Variants in ZDHHC5 observed in about 807,000 individuals in gnomAD.
ZDHHC5 encodes the protein palmitoyltransferase ZDHHC5.
A neutral mutation model predicts 70.0 loss-of-function variants in ZDHHC5; 22 were observed. That is an observed-to-expected ratio of 0.31 (90% CI 0.22 to 0.45). The LOEUF (loss-of-function observed/expected upper bound fraction) is 0.45, where lower values mean the gene tolerates loss of function less well. Among genes scored for constraint, ZDHHC5 ranks in the 20% least tolerant of loss-of-function variants. The probability of loss-of-function intolerance (pLI) is 1.00; values close to 1 mark genes in which losing one functional copy is unlikely to be tolerated. For synonymous variants in ZDHHC5, 313 were observed against 347.8 expected (o/e 0.90, Z 1.11); for missense variants, 746 against 926.9 (o/e 0.80, Z 2.53).
At chr11:57,680,161 A>G (rs1046768207) in intron 2 of ZDHHC5, among the ~76,000 whole-genome samples, 1 of 152,108 alleles carries the variant, frequency 6.6e-6, no homozygotes, top group African/African-American at 2.4e-5. Context: ...GAGGCGGGCA[A>G]ATCGCTTTGA....
At position 57,699,893 on chromosome 11, in the gene ZDHHC5, C is replaced by A; in HGVS notation, c.2010C>A (p.Tyr670Ter). Reference sequence around the variant, plus strand: ...ATGAAGTACAGCTGAAGACCACCTACAGCAAATCCAACGGGCAGCCCAAGA... The same window carrying A: ...ATGAAGTACAGCTGAAGACCACCTAAAGCAAATCCAACGGGCAGCCCAAGA... The part of the protein sequence containing the change: ...PKDEVQLKTT[Y>*]SKSNGQPKSL... Residue 670 changes from tyrosine (Y) to a stop codon, truncating the protein, a stop_gained, in exon 12 of 12, where the codon TAC becomes TAA. Coordinates refer to ENST00000287169, the MANE Select transcript of ZDHHC5 (RefSeq NM_015457.3). LOFTEE classifies it high-confidence loss of function. 6.2e-7 allele frequency: 1 copy of A among 1,614,280 alleles called. No homozygotes were observed. Among genetic ancestry groups the A allele is most frequent in the Non-Finnish European group, 8.5e-7 (1 of 1,180,052 alleles).
chr11:57,678,696 T>C (rs1284399818), intron 2 of ZDHHC5, among the ~76,000 whole-genome samples: 2 of 151,054 alleles, frequency 1.3e-5, no homozygotes, highest in Non-Finnish European at 2.9e-5. Flanking sequence ...CTGGCCAACA[T>C]AGTGAGACCT....
chr11:57,686,865 C>G (rs75499988), intron 3 of ZDHHC5, among the ~76,000 whole-genome samples: 1 of 146,764 alleles, frequency 6.8e-6, no homozygotes, highest in East Asian at 2.0e-4. Context: ...GTGTCTTACT[C>G]TGTCACCAAG....
Position 57,698,645 on chromosome 11 carries a change from A to G in ZDHHC5, c.1209A>G (p.Glu403=). 1.2e-6 allele frequency: 2 copies of G among 1,614,060 alleles called. No individual in the cohort carries two copies. The highest frequency in any genetic ancestry group is 1.7e-6 in the Non-Finnish European group (2 of 1,180,006). ...GCTACCGCTCAGAGCCCAGCTTGGA[A>G]CCAGAGAGCTTCCGTTCTCCTACCT... ...HPSYRSEPSL[E]PESFRSPTFG... is the part of the protein sequence containing the mutation. The change falls in exon 11 of 12, where the codon GAA becomes GAG. Residue 403 remains glutamate, a synonymous_variant. Transcript: ENST00000287169.
intron 9 of ZDHHC5, 94 bp from the exon 10 acceptor site, chr11:57,696,667 A>T: frequency 9.1e-7 from 1 of 1,104,112 alleles, no homozygotes; most frequent in Non-Finnish European, 1.3e-6. Flanking sequence ...TAATCGTGCC[A>T]CTGCACTCTA....
rs956522104 is a variant in ZDHHC5, at chr11:57,692,543, G to T, written c.661-68G>T. The T allele has an allele frequency of 5.1e-6, 7 of 1,367,632 alleles. No individual in the cohort carries two copies. The East Asian group carries it at 1.1e-4, about 22-fold the overall frequency. The allele number at this position is 1,367,632 out of a possible 1,614,324, so 84.7% of individuals were successfully genotyped here. On this transcript the variant is annotated intron_variant, in intron 6 of 11. Coordinates refer to ENST00000287169, the MANE Select transcript of ZDHHC5 (RefSeq NM_015457.3). Reference sequence around the variant, plus strand: ...AGTGAGTGCACAATAACTTGTAATAGATTTGTATTTTGGCCTTTGGAAGTC... The same window carrying T: ...AGTGAGTGCACAATAACTTGTAATATATTTGTATTTTGGCCTTTGGAAGTC...
At chr11:57,677,761 C>T (rs1300023593) in intron 2 of ZDHHC5, among the ~76,000 whole-genome samples, 1 of 152,152 alleles carries the variant, frequency 6.6e-6, no homozygotes, top group Non-Finnish European at 1.5e-5. Flanking sequence ...CTCTGGTCCC[C>T]CCTCCCCCGT....
At chr11:57,698,405 C>A (rs1215809373) in intron 10 of ZDHHC5, among the ~76,000 whole-genome samples, 154 bp from the exon 11 acceptor site, 2 of 152,168 alleles carry the variant, frequency 1.3e-5, no homozygotes, top group African/African-American at 2.4e-5. Flanking sequence ...TGCCTGAATT[C>A]AGTTTTTCTT....
Position 57,672,499 on chromosome 11 carries a change from T to G in ZDHHC5, c.-592T>G. Reference sequence around the variant, plus strand: ...TACCTAAAAGAGACAAAGACTGCAGTAAACAAAGCTCCTCTTTAAAGTTGG... The same window carrying G: ...TACCTAAAAGAGACAAAGACTGCAGGAAACAAAGCTCCTCTTTAAAGTTGG... On this transcript the variant is annotated 5_prime_UTR_variant, in exon 2 of 12. Transcript: ENST00000287169. 5.8e-6 allele frequency: 2 copies of G among 347,692 alleles called. No homozygotes were observed. Among genetic ancestry groups the G allele is most frequent in the Non-Finnish European group, 5.1e-6 (1 of 194,882 alleles). 21.5% of individuals were successfully genotyped at this position (347,692 alleles called of 1,614,324 possible).
Position 57,700,021 on chromosome 11 carries a change from T to TATCGGTGTGAGCC in ZDHHC5, c.2138_2139insATCGGTGTGAGCC (p.Ter716=). Reference sequence around the variant, plus strand: ...GGGGTTGGTGGTACCACCTATGAGATTTCGGTGTGAGCCTTCGGCACCTCC... The same window carrying TATCGGTGTGAGCC: ...GGGGTTGGTGGTACCACCTATGAGATATCGGTGTGAGCCTTCGGTGTGAGCCTTCGGCACCTCC... On this transcript the variant is annotated stop_gained and frameshift_variant, in exon 12 of 12. Transcript: ENST00000287169. LOFTEE classifies it high-confidence loss of function. 6.3e-7 allele frequency: 1 copy of TATCGGTGTGAGCC among 1,585,168 alleles called. No individual in the cohort carries two copies. Among genetic ancestry groups the TATCGGTGTGAGCC allele is most frequent in the Non-Finnish European group, 8.6e-7 (1 of 1,166,000 alleles).
intron 8 of ZDHHC5, among the ~76,000 whole-genome samples, chr11:57,695,031 G>T (rs1213943088): frequency 6.6e-6 from 1 of 152,186 alleles, no homozygotes; most frequent in African/African-American, 2.4e-5. Flanking sequence ...GGGAGGCTGA[G>T]GTGGGTGGAT....
At chr11:57,690,933 C>T (rs992875050) in intron 6 of ZDHHC5, among the ~76,000 whole-genome samples, 5 of 151,950 alleles carry the variant, frequency 3.3e-5, no homozygotes, top group Admixed American at 2.0e-4. Context: ...ACCAACATGG[C>T]ACATGTATAC....
At chr11:57,698,130 C>CACACACAT (rs1243401934) in intron 10 of ZDHHC5, among the ~76,000 whole-genome samples, 1 of 151,652 alleles carries the variant, frequency 6.6e-6, no homozygotes, top group African/African-American at 2.4e-5. Context: ...CACACACACA[C>CACACACAT]ACACACACAC....
At position 57,700,007 on chromosome 11, in the gene ZDHHC5, T is replaced by C; in HGVS notation, c.2124T>C (p.Gly708=). 1 of 1,605,036 alleles carries C rather than the reference T, an allele frequency of 6.2e-7. No individual in the cohort carries two copies. Among genetic ancestry groups the C allele is most frequent in the Non-Finnish European group, 8.5e-7 (1 of 1,175,892 alleles). The stretch of plus-strand genomic sequence containing the variant: ...TCAAGAAGGTGTCAGGGGTTGGTGG[T>C]ACCACCTATGAGATTTCGGTGTGAG... ...GGVKKVSGVG[G]TTYEISV Residue 708 remains glycine, a synonymous_variant, in exon 12 of 12, where the codon GGT becomes GGC. Coordinates refer to ENST00000287169, the MANE Select transcript of ZDHHC5 (RefSeq NM_015457.3).
intron 1 of ZDHHC5, among the ~76,000 whole-genome samples, chr11:57,669,384 T>C (rs528877590): frequency 4.6e-5 from 7 of 152,380 alleles, no homozygotes; most frequent in Non-Finnish European, 8.8e-5. Flanking sequence ...CCACATATCC[T>C]GTATTGTTTG....
chr11:57,684,756 C>T (rs952844641), intron 3 of ZDHHC5, among the ~76,000 whole-genome samples: 7 of 152,336 alleles, frequency 4.6e-5, no homozygotes, highest in Admixed American at 1.3e-4. Flanking sequence ...AAGGTTGTCA[C>T]TGATGACATG....
At position 57,692,615 on chromosome 11, in the gene ZDHHC5, C is replaced by T. The variant is rs1220362529; in HGVS notation, c.665C>T (p.Thr222Met). ...GTATTTTTTTTCTCCCTCTAGGTTA[C>T]GGGTAAATTCCGGGGAGGTGTGAAC... ...ARGRTTNEQV[T>M]GKFRGGVNPF... The change falls in exon 7 of 12, where the codon ACG (threonine) becomes ATG (methionine). Residue 222 changes from threonine (T) to methionine (M), a missense_variant. This residue lies in a region of ZDHHC5 where 114 missense variants were observed against 179.3 expected (regional missense o/e 0.64). Coordinates refer to ENST00000287169, the MANE Select transcript of ZDHHC5 (RefSeq NM_015457.3). 16 of 1,613,910 alleles carry T rather than the reference C, an allele frequency of 9.9e-6. No homozygotes were observed. Among genetic ancestry groups the T allele is most frequent in the South Asian group, 2.2e-5 (2 of 91,064 alleles).
At position 57,699,064 on chromosome 11, in the gene ZDHHC5, C is replaced by G. The variant is rs1223120780; in HGVS notation, c.1628C>G (p.Ser543Cys). The G allele has an allele frequency of 1.9e-6, 3 of 1,613,536 alleles. No individual in the cohort carries two copies. The highest frequency in any genetic ancestry group is 4.5e-5 in the East Asian group (2 of 44,878). Reference protein sequence around the residue: ...YDNLSRHIVASLQEREKLLRQ... With the variant: ...YDNLSRHIVACLQEREKLLRQ... Reference sequence around the variant, plus strand: ...AATCTGTCGCGCCACATTGTGGCCTCTCTCCAGGAACGAGAGAAGTTGCTG... The same window carrying G: ...AATCTGTCGCGCCACATTGTGGCCTGTCTCCAGGAACGAGAGAAGTTGCTG... The change falls in exon 11 of 12, where the codon TCT (serine) becomes TGT (cysteine). Residue 543 changes from serine (S) to cysteine (C), a missense_variant. Physicochemically the swap from Ser to Cys is moderately radical, Grantham distance 112 (BLOSUM62 -1). This residue lies in a region of ZDHHC5 where 340 missense variants were observed against 350.1 expected (regional missense o/e 0.97). Coordinates refer to ENST00000287169, the MANE Select transcript of ZDHHC5 (RefSeq NM_015457.3).
rs778672956 is a variant in ZDHHC5, at chr11:57,699,946, G to T, written c.2063G>T (p.Gly688Val). The T allele has an allele frequency of 4.3e-6, 7 of 1,614,176 alleles. No individual in the cohort carries two copies. Among genetic ancestry groups the T allele is most frequent in the Non-Finnish European group, 5.9e-6 (7 of 1,180,014 alleles). Residue 688 changes from glycine (G) to valine (V), a missense_variant, in exon 12 of 12, where the codon GGC becomes GTC. Coordinates refer to ENST00000287169, the MANE Select transcript of ZDHHC5 (RefSeq NM_015457.3). The part of the protein sequence containing the change: ...KSLGSASPGP[G>V]QPPLSSPTRG... ...TTAGGCTCAGCCTCCCCTGGCCCAG[G>T]CCAGCCACCTCTCAGTAGCCCCACG...
Sources: gnomAD v4.1 joint callset for allele counts (sites outside exome capture counted in the v4.1 genomes callset) on GRCh38, gnomAD v4.1.1 for gene constraint, gnomAD v4.1.1 regional missense constraint, MANE v1.5 for transcripts, NCBI Gene and HGNC (gene_info 2026-07-23, HGNC 2026-07-21) for gene names.